The following CD4 variants were observed in gnomAD, a reference collection of about 807,000 sequenced individuals.
CD4 encodes the protein CD4 molecule, also known as T-cell surface glycoprotein CD4.
A neutral mutation model predicts 50.5 loss-of-function variants in CD4; 25 were observed. The observed-to-expected ratio is 0.49, with a 90% CI of 0.36 to 0.69. CD4 has a LOEUF of 0.69. Ranked by LOEUF, CD4 falls within the 30% of genes least tolerant of loss-of-function variation. The pLI, the probability that CD4 is intolerant of heterozygous loss-of-function variation, is 0.00. For missense variants in CD4, 456 were observed against 548.5 expected, an observed-to-expected ratio of 0.83 and a Z score of 1.68; for synonymous variants, 207 against 221.9, an observed-to-expected ratio of 0.93 and a Z score of 0.60.
chr12:6,795,811 A>G (rs1942358928), intron 1 of CD4, among the ~76,000 whole-genome samples: 2 of 152,104 alleles, frequency 1.3e-5, no homozygotes, highest in Admixed American at 6.5e-5. Flanking sequence ...CCACCCTTCC[A>G]TCTCATCTCT....
In CD4 at chr12:6,818,236, G is replaced by T. The variant is rs1323124528; in HGVS notation, c.1157-185G>T. 6.6e-6 allele frequency among the ~76,000 whole-genome samples: 1 copy of T among 152,178 alleles called. No individual in the cohort carries two copies. Among genetic ancestry groups the T allele is most frequent in the African/African-American group, 2.4e-5 (1 of 41,430 alleles). Reference sequence around the variant, plus strand: ...CTCTCTCCAGAGTGCCCTGGATATGGATATGCCCAAACATAAAACCGATTC... The same window carrying T: ...CTCTCTCCAGAGTGCCCTGGATATGTATATGCCCAAACATAAAACCGATTC... On this transcript the variant is annotated intron_variant, in intron 7 of 9. Transcript: ENST00000011653. This position sits in a 1 kb window ranked among gnomAD's most constrained non-coding sequence, Gnocchi z 5.0.
rs1191734008 is a variant in CD4 at position 6,818,177 on chromosome 12, A to T, written c.1157-244A>T. On this transcript the variant is annotated intron_variant, in intron 7 of 9. Coordinates refer to ENST00000011653, the MANE Select transcript of CD4 (RefSeq NM_000616.5). The surrounding 1 kb of genome is among the most constrained non-coding windows in gnomAD (Gnocchi z 5.0). ...CACACATGCACACACACATGCACTC[A>T]CACACACAGCCCAGGAGCCAGACCA... Among the ~76,000 whole-genome samples, 2 of 152,120 alleles carry T rather than the reference A, an allele frequency of 1.3e-5. No homozygotes were observed. Among genetic ancestry groups the T allele is most frequent in the African/African-American group, 2.4e-5 (1 of 41,412 alleles).
In CD4 at chr12:6,800,611, G is replaced by C; in HGVS notation, c.214+140G>C. ...AGAAACTCAGTGGCATTCTTATCCA[G>C]AGTTTCTCTACACCAACTGCTGGTG... On this transcript the variant is annotated intron_variant, in intron 3 of 9. Transcript: ENST00000011653. The C allele has an allele frequency of 4.6e-6, 3 of 655,744 alleles. No individual in the cohort carries two copies. In the South Asian group the frequency reaches 6.8e-5, roughly 15 times the overall value. 40.6% of individuals were successfully genotyped at this position (655,744 alleles called of 1,614,324 possible).
intron 3 of CD4, among the ~76,000 whole-genome samples, chr12:6,801,593 T>C (rs1366487189): frequency 2.0e-5 from 3 of 151,564 alleles, no homozygotes; most frequent in East Asian, 1.9e-4. Flanking sequence ...CAGAGTCTCG[T>C]TCTGTCGCCC....
At chr12:6,794,792 T>TTTTTTTTTTTTTTTTTTTTTTTG (rs1942318494) in intron 1 of CD4, among the ~76,000 whole-genome samples, 1 of 139,864 alleles carries the variant, frequency 7.1e-6, no homozygotes, top group African/African-American at 2.6e-5. Flanking sequence ...TTTTGTTTTT[T>TTTTTTTTTTTTTTTTTTTTTTTG]TTTTTTTTTT....
At chr12:6,800,905 T>A (rs10129013) in intron 3 of CD4, among the ~76,000 whole-genome samples, 89,985 of 149,452 alleles carry the variant, frequency 0.6, 26,879 homozygotes, top group African/African-American at 0.62. Context: ...TGAAAAAAAA[T>A]ATATATATAT....
intron 1 of CD4, among the ~76,000 whole-genome samples, chr12:6,794,400 C>G (rs1942300208): frequency 7.5e-6 from 1 of 132,624 alleles, no homozygotes; most frequent in Admixed American, 7.8e-5. Flanking sequence ...GAGATGGAGT[C>G]TCGCTCTGTT....
chr12:6,807,438 A>C (rs1379235275), intron 3 of CD4, among the ~76,000 whole-genome samples: 1 of 152,202 alleles, frequency 6.6e-6, no homozygotes, highest in Non-Finnish European at 1.5e-5. Context: ...CCAGGGAATT[A>C]TGCTGAGTGA....
intron 3 of CD4, among the ~76,000 whole-genome samples, chr12:6,813,356 AT>A (rs1322293682): frequency 1.3e-5 from 2 of 149,580 alleles, no homozygotes; most frequent in Non-Finnish European, 3.0e-5. Context: ...GCCTGGCCTC[AT>A]TTTCTTTTTT....
At chr12:6,805,400 TAA>T (rs1942712768) in intron 3 of CD4, among the ~76,000 whole-genome samples, 1 of 150,856 alleles carries the variant, frequency 6.6e-6, no homozygotes, top group Non-Finnish European at 1.5e-5. Flanking sequence ...CCGTCTCTAC[TAA>T]AAATGCAAAA....
rs1943228349 is a variant in CD4, at chr12:6,820,089, C to A, written c.*760C>A. 1 of 152,304 alleles carries A rather than the reference C, an allele frequency of 6.6e-6. No individual in the cohort carries two copies. The allele number at this position is 152,304 out of a possible 1,614,324, so 9.4% of individuals were successfully genotyped here. A position where few individuals can be genotyped will look rare whatever the true frequency, so the allele number is the denominator to read the frequency against. Reference sequence around the variant, plus strand: ...TAGCAAGTGCTGGAGTCGGGACTAACCCAGGTCCCTTGTCCCAAGTTCCAC... The same window carrying A: ...TAGCAAGTGCTGGAGTCGGGACTAAACCAGGTCCCTTGTCCCAAGTTCCAC... On this transcript the variant is annotated 3_prime_UTR_variant, in exon 10 of 10. Transcript: ENST00000011653.
chr12:6,806,924 T>C (rs1236824752), intron 3 of CD4, among the ~76,000 whole-genome samples: 1 of 152,128 alleles, frequency 6.6e-6, no homozygotes, highest in African/African-American at 2.4e-5. Flanking sequence ...TCCCAGCACT[T>C]TGGGAGGCCG....
intron 7 of CD4, 41 bp downstream of exon 7, chr12:6,817,371 G>A (rs199767708): frequency 2.9e-4 from 440 of 1,520,614 alleles, no homozygotes; most frequent in Admixed American, 6.7e-4. Flanking sequence ...CCTGGGCTGC[G>A]GGACCTTCCT....
At chr12:6,813,467 C>T (rs781960278) in intron 3 of CD4, 1 of 151,966 alleles carries the variant, frequency 6.6e-6, no homozygotes, top group African/African-American at 2.4e-5. Context: ...ATTTTCTCCA[C>T]CTTTAAAAAC....
chr12:6,811,670 T>TA (rs1853700690), intron 3 of CD4, among the ~76,000 whole-genome samples: 1 of 144,364 alleles, frequency 6.9e-6, no homozygotes, highest in East Asian at 2.2e-4. Flanking sequence ...ATTTTTTTTT[T>TA]CTTTTTTTTT....
Position 6,814,253 on chromosome 12 carries a change from G to A in CD4, c.326G>A (p.Cys109Tyr). 1.2e-6 allele frequency: 2 copies of A among 1,614,150 alleles called. No individual in the cohort carries two copies. The highest frequency in any genetic ancestry group is 8.5e-7 in the Non-Finnish European group (1 of 1,179,998). ...LKIEDSDTYI[C>Y]EVEDQKEEVQ... The stretch of plus-strand genomic sequence containing the variant: ...ATAGAAGACTCAGATACTTACATCT[G>A]TGAAGTGGAGGACCAGAAGGAGGAG... The change falls in exon 4 of 10, where the codon TGT becomes TAT. Residue 109 changes from cysteine (C) to tyrosine (Y), a missense_variant. Transcript: ENST00000011653.
Position 6,800,124 on chromosome 12 carries a change from C to T in CD4, c.-15C>T, listed in dbSNP as rs781882728. The T allele has an allele frequency of 6.8e-6, 11 of 1,613,778 alleles. No individual in the cohort carries two copies. The Admixed American group carries it at 8.3e-5, about 12-fold the overall frequency. ...CCTACTGGCTCAGGCCCCTGCCTCC[C>T]TCGGCAAGGCCACAATGAACCGGGG... On this transcript the variant is annotated 5_prime_UTR_variant, in exon 2 of 10. Coordinates refer to ENST00000011653, the MANE Select transcript of CD4 (RefSeq NM_000616.5).
chr12:6,799,849 C>T (rs782510034), intron 1 of CD4, among the ~76,000 whole-genome samples: 1 of 152,118 alleles, frequency 6.6e-6, no homozygotes, highest in South Asian at 2.1e-4. Context: ...CCATGGGGCT[C>T]CTTATTCACT....
rs1013398746 is a variant in CD4 at position 6,792,137 on chromosome 12, G to T, written c.-68+2475G>T. Among the ~76,000 whole-genome samples, 1 of 152,152 alleles carries T rather than the reference G, an allele frequency of 6.6e-6. No homozygotes were observed. Among genetic ancestry groups the T allele is most frequent in the Non-Finnish European group, 1.5e-5 (1 of 68,014 alleles). On this transcript the variant is annotated intron_variant, in intron 1 of 9. Coordinates refer to ENST00000011653, the MANE Select transcript of CD4 (RefSeq NM_000616.5). The surrounding 1 kb of genome is among the most constrained non-coding windows in gnomAD (Gnocchi z 4.1). The stretch of plus-strand genomic sequence containing the variant: ...AGTCAGCAGTAGAGAGGGTGAACGC[G>T]GTGGGGCACATCCCGCGGCTGGGCT...
Sources: allele counts gnomAD v4.1 joint callset (sites outside exome capture counted in the v4.1 genomes callset), GRCh38; gene constraint gnomAD v4.1.1; non-coding constraint Gnocchi (gnomAD v3.1); transcripts MANE v1.5; gene names NCBI Gene and HGNC (gene_info 2026-07-23, HGNC 2026-07-21).